Variants in CNIH3 observed in about 807,000 individuals in gnomAD.
CNIH3 encodes cornichon family AMPA receptor auxiliary protein 3.
Under a neutral mutation model 24.1 loss-of-function variants are expected in CNIH3, and 14 were observed. The ratio of observed to expected loss-of-function variants is 0.58; its 90% confidence interval spans 0.38 to 0.91. The LOEUF (loss-of-function observed/expected upper bound fraction) is 0.91, where lower values mean the gene tolerates loss of function less well. Ranked by LOEUF, CNIH3 falls within the 40% of genes least tolerant of loss-of-function variation. The pLI is 0.00. For synonymous variants in CNIH3, 68 were observed against 73.8 expected (o/e 0.92, Z 0.40); for missense variants, 178 against 196.8 (o/e 0.90, Z 0.57).
intron 1 of CNIH3, among the ~76,000 whole-genome samples, chr1:224,495,947 A>G (rs1321025397): frequency 6.6e-6 from 1 of 152,180 alleles, no homozygotes; most frequent in Non-Finnish European, 1.5e-5. Flanking sequence ...TGAAAAAGGC[A>G]TCTGTGAGCT....
At chr1:224,651,078 C>A (rs986099366) in intron 1 of CNIH3, among the ~76,000 whole-genome samples, 1 of 152,234 alleles carries the variant, frequency 6.6e-6, no homozygotes, top group East Asian at 1.9e-4. Context: ...CACACACACA[C>A]ACGCACAAAC....
chr1:224,626,102 G>A (rs2125071322), intron 1 of CNIH3, among the ~76,000 whole-genome samples: 1 of 152,294 alleles, frequency 6.6e-6, no homozygotes, highest in South Asian at 2.1e-4. Context: ...CTAGGACCTG[G>A]AGGGTCTTTA....
At chr1:224,629,367 C>T (rs761443628) in intron 1 of CNIH3, among the ~76,000 whole-genome samples, 10 of 152,026 alleles carry the variant, frequency 6.6e-5, no homozygotes, top group African/African-American at 9.7e-5. Context: ...ATATGTAAAA[C>T]GAAGTTGCAC....
At chr1:224,501,666 C>T (rs945878338) in intron 1 of CNIH3, among the ~76,000 whole-genome samples, 4 of 151,706 alleles carry the variant, frequency 2.6e-5, no homozygotes, top group East Asian at 1.9e-4. Context: ...CTACAACCTC[C>T]GTCTCCCAGG....
chr1:224,679,721 T>A (rs1015177726), intron 1 of CNIH3, among the ~76,000 whole-genome samples: 2 of 152,236 alleles, frequency 1.3e-5, no homozygotes, highest in Non-Finnish European at 2.9e-5. Context: ...GCTTTAAAAT[T>A]CTACTTGCTT....
chr1:224,664,874 A>G (rs1685522264), intron 1 of CNIH3: 1 of 152,188 alleles, frequency 6.6e-6, no homozygotes, highest in Non-Finnish European at 1.5e-5. Flanking sequence ...AGCTAGGACT[A>G]CAGGTGTGCA....
intron 1 of CNIH3, among the ~76,000 whole-genome samples, chr1:224,438,361 A>G (rs1674758180): frequency 6.6e-6 from 1 of 152,126 alleles, no homozygotes; most frequent in South Asian, 2.1e-4. Context: ...CCTGACCCCA[A>G]GACAATATCT....
At position 224,739,354 on chromosome 1, in the gene CNIH3, T is replaced by A. The variant is rs1689759785; in HGVS notation, c.481T>A (p.Ter161LysextTer35). 9.2e-6 allele frequency: 14 copies of A among 1,529,222 alleles called. No homozygotes were observed. The highest frequency in any genetic ancestry group is 1.2e-5 in the Non-Finnish European group (14 of 1,125,734). The allele number at this position is 1,529,222 out of a possible 1,614,324, so 94.7% of individuals were successfully genotyped here. ...CATGATCTACACTTTAGTGAGCTCT[T>A]AACGCAAAGACCATGCACATCATCA... ...YCMIYTLVSS* is the reference protein window; with the variant it reads ...YCMIYTLVSSK Residue 161 changes from the stop codon to lysine, a stop_lost, in exon 6 of 6, where the codon TAA (stop) becomes AAA (lysine). Transcript: ENST00000272133.
Position 224,730,490 on chromosome 1 carries a change from G to A in CNIH3, c.227G>A (p.Ser76Asn). The A allele has an allele frequency of 6.4e-7, 1 of 1,560,580 alleles. No homozygotes were observed. Among genetic ancestry groups the A allele is most frequent in the Non-Finnish European group, 8.7e-7 (1 of 1,150,826 alleles). ...GTGCTGCCAGAATACTCCATCCATA[G>A]CCTCTTCTGCATTATGTTCCTGTGT... Reference protein sequence around the residue: ...KLVLPEYSIHSLFCIMFLCAQ... With the variant: ...KLVLPEYSIHNLFCIMFLCAQ... The change falls in exon 4 of 6, where the codon AGC (serine) becomes AAC (asparagine). Residue 76 changes from serine (S) to asparagine (N), a missense_variant. Physicochemically the swap from Ser to Asn is conservative, Grantham distance 46. Transcript: ENST00000272133.
chr1:224,627,927 G>T (rs1345374237), intron 1 of CNIH3, among the ~76,000 whole-genome samples: 1 of 152,168 alleles, frequency 6.6e-6, no homozygotes, highest in Non-Finnish European at 1.5e-5. Context: ...TTGAAAGAAT[G>T]ATTAGATTAC....
At chr1:224,721,229 G>T (rs1359590077) in intron 3 of CNIH3, among the ~76,000 whole-genome samples, 1 of 152,120 alleles carries the variant, frequency 6.6e-6, no homozygotes, top group Non-Finnish European at 1.5e-5. Context: ...TGCTGAATGA[G>T]TGTGAAAATG....
intron 2 of CNIH3, among the ~76,000 whole-genome samples, chr1:224,533,628 G>A (rs1679168517): frequency 6.6e-6 from 1 of 152,204 alleles, no homozygotes; most frequent in East Asian, 1.9e-4. Flanking sequence ...TTAGCTTTTG[G>A]TGCTGCTAGT....
At chr1:224,450,692 T>C (rs781256661) in intron 1 of CNIH3, among the ~76,000 whole-genome samples, 1 of 152,176 alleles carries the variant, frequency 6.6e-6, no homozygotes, top group Non-Finnish European at 1.5e-5. Context: ...TAGATACTTA[T>C]TGGCAGCTGC....
chr1:224,562,517 G>A (rs1680413308), intron 3 of CNIH3, among the ~76,000 whole-genome samples: 1 of 152,118 alleles, frequency 6.6e-6, no homozygotes. Context: ...ATAATATTTA[G>A]GGATGGTGAC....
At chr1:224,461,773 C>T (rs1675920695) in intron 1 of CNIH3, among the ~76,000 whole-genome samples, 1 of 152,178 alleles carries the variant, frequency 6.6e-6, no homozygotes, top group South Asian at 2.1e-4. Flanking sequence ...CAAAAGAAAA[C>T]CCATATCAAT....
At chr1:224,688,184 GT>G (rs746912669) in intron 3 of CNIH3, among the ~76,000 whole-genome samples, 12 of 152,206 alleles carry the variant, frequency 7.9e-5, no homozygotes, top group Non-Finnish European at 1.3e-4. Context: ...TTATGCTTTT[GT>G]TAAAAGTCAA....
chr1:224,736,258 G>A (rs1308235223), intron 5 of CNIH3, among the ~76,000 whole-genome samples: 1 of 152,054 alleles, frequency 6.6e-6, no homozygotes, highest in Non-Finnish European at 1.5e-5. Context: ...CTGAGTAGCT[G>A]GAATTATAGG....
chr1:224,497,177 G>C (rs1318731841), intron 1 of CNIH3, among the ~76,000 whole-genome samples: 1 of 152,212 alleles, frequency 6.6e-6, no homozygotes, highest in Non-Finnish European at 1.5e-5. Context: ...CAAATCTATA[G>C]AGACAGAAAG....
intron 3 of CNIH3, among the ~76,000 whole-genome samples, chr1:224,688,386 C>G (rs1031630163): frequency 6.6e-6 from 1 of 152,162 alleles, no homozygotes; most frequent in East Asian, 1.9e-4. Context: ...TCTGTCTCCT[C>G]TCACTAGAAT....
Sources: gnomAD v4.1 joint callset for allele counts (sites outside exome capture counted in the v4.1 genomes callset) on GRCh38, gnomAD v4.1.1 for gene constraint, MANE v1.5 for transcripts, NCBI Gene and HGNC (gene_info 2026-07-23, HGNC 2026-07-21) for gene names.